DYNC1H1: variants seen among roughly 807,000 people sequenced by gnomAD.
DYNC1H1 encodes cytoplasmic dynein 1 heavy chain 1.
Under a neutral mutation model 527.1 loss-of-function variants are expected in DYNC1H1, and 51 were observed. That is an observed-to-expected ratio of 0.10 (90% confidence interval 0.08 to 0.12). The LOEUF is 0.12. Ranked by LOEUF, DYNC1H1 falls within the 10% of genes least tolerant of loss-of-function variation. DYNC1H1 has a pLI of 1.00. For synonymous variants in DYNC1H1, 2,189 were observed against 2,278.8 expected (o/e 0.96, Z 1.12); for missense variants, 2,771 against 5,971.8 (o/e 0.46, Z 17.66).
chr14:102,026,435 T>C, intron 43 of DYNC1H1, 139 bp from the exon 44 acceptor site: 1 of 934,030 alleles, frequency 1.1e-6, no homozygotes, highest in African/African-American at 1.7e-5. Context: ...GAATTTATAT[T>C]TTTTTGCTAT....
chr14:101,993,504 C>T (rs533142927), intron 11 of DYNC1H1, among the ~76,000 whole-genome samples: 32 of 152,320 alleles, frequency 2.1e-4, no homozygotes, highest in Non-Finnish European at 3.4e-4. Flanking sequence ...GCTCCTGCTG[C>T]TTCTCCCTTC....
At chr14:101,987,401 A>G in intron 8 of DYNC1H1, 52 bp from the exon 9 acceptor site, 1 of 1,549,078 alleles carries the variant, frequency 6.5e-7, no homozygotes. Flanking sequence ...TGTGAGAATA[A>G]AGGAACAGAG....
intron 2 of DYNC1H1, among the ~76,000 whole-genome samples, chr14:101,976,744 A>G (rs1017367064): frequency 6.6e-6 from 1 of 152,158 alleles, no homozygotes; most frequent in Non-Finnish European, 1.5e-5. Flanking sequence ...TGCTACTCTC[A>G]GGTTACAGTC....
At chr14:102,045,335 C>T (rs2048703614) in intron 72 of DYNC1H1, 1 of 154,544 alleles carries the variant, frequency 6.5e-6, no homozygotes, top group Non-Finnish European at 1.4e-5. Context: ...CGCAGTGGCT[C>T]ACGCCTATAA....
In DYNC1H1 at chr14:101,986,057, G is replaced by A. The variant is rs907022997; in HGVS notation, c.1832G>A (p.Arg611His). Reference protein sequence around the residue: ...IREYQTQLIQRVKDDIESLHD... With the variant: ...IREYQTQLIQHVKDDIESLHD... The stretch of plus-strand genomic sequence containing the variant: ...GAATACCAGACCCAGCTGATCCAGC[G>A]CGTGAAAGATGACATTGAGTCTCTT... Residue 611 changes from arginine (R) to histidine (H), a missense_variant, in exon 8 of 78, where the codon CGC (arginine) becomes CAC (histidine). By Grantham distance (29) the Arg-to-His change is conservative. This residue lies in a region of DYNC1H1 where 264 missense variants were observed against 619.4 expected (regional missense o/e 0.43). Coordinates refer to ENST00000360184, the MANE Select transcript of DYNC1H1 (RefSeq NM_001376.5). The surrounding 1 kb of genome is among the most constrained non-coding windows in gnomAD (Gnocchi z 8.7). 1 of 1,614,092 alleles carries A rather than the reference G, an allele frequency of 6.2e-7. No homozygotes were observed. The highest frequency in any genetic ancestry group is 8.5e-7 in the Non-Finnish European group (1 of 1,180,038).
Position 102,029,988 on chromosome 14 carries a change from C to A in DYNC1H1, c.9762+50C>A, listed in dbSNP as rs777561563. The stretch of plus-strand genomic sequence containing the variant: ...TGTAAGGACTGAGCATTTTCAGTCT[C>A]CAATGAGAGAGTAGGAAATGTAGTT... On this transcript the variant is annotated intron_variant, in intron 50 of 77. Coordinates refer to ENST00000360184, the MANE Select transcript of DYNC1H1 (RefSeq NM_001376.5). The surrounding 1 kb of genome is among the most constrained non-coding windows in gnomAD (Gnocchi z 5.3). The A allele has an allele frequency of 1.2e-5, 19 of 1,613,118 alleles. No homozygotes were observed. Among genetic ancestry groups the A allele is most frequent in the African/African-American group, 2.7e-5 (2 of 74,688 alleles).
At chr14:102,048,456 C>T in intron 73 of DYNC1H1, 60 bp from the exon 74 acceptor site, 1 of 1,610,886 alleles carries the variant, frequency 6.2e-7, no homozygotes, top group Non-Finnish European at 8.5e-7. Flanking sequence ...TTCTGTTTGA[C>T]CTTTACACTG....
Position 102,052,666 on chromosome 14 carries a change from C to T in DYNC1H1, c.*2103C>T, listed in dbSNP as rs1397794269. 6.6e-6 allele frequency: 1 copy of T among 152,224 alleles called. No individual in the cohort carries two copies. Among genetic ancestry groups the T allele is most frequent in the African/African-American group, 2.4e-5 (1 of 41,456 alleles). 9.4% of individuals were successfully genotyped at this position (152,224 alleles called of 1,614,324 possible). A position where few individuals can be genotyped will look rare whatever the true frequency, so the allele number is the denominator to read the frequency against. On this transcript the variant is annotated 3_prime_UTR_variant, in exon 78 of 78. Coordinates refer to ENST00000360184, the MANE Select transcript of DYNC1H1 (RefSeq NM_001376.5). ...CTAGGTGGTGGCCATGCCCCTCGAG[C>T]TCTGCTTGGCACGTGTCTGCCAGTC... is the stretch of plus-strand genomic sequence containing the variant.
rs1447647566 is a variant in DYNC1H1, at chr14:102,039,973, G to A, written c.11690+241G>A. ...CTGCTTCAGTCTCCGAAGTAGCTAGGACTATAGGCGCAGGCCACCACATCT... is the reference window on the plus strand; with the variant it reads ...CTGCTTCAGTCTCCGAAGTAGCTAGAACTATAGGCGCAGGCCACCACATCT... On this transcript the variant is annotated intron_variant, in intron 62 of 77. Coordinates refer to ENST00000360184, the MANE Select transcript of DYNC1H1 (RefSeq NM_001376.5). The surrounding 1 kb of genome is among the most constrained non-coding windows in gnomAD (Gnocchi z 7.0). Among the ~76,000 whole-genome samples, 1 of 152,122 alleles carries A rather than the reference G, an allele frequency of 6.6e-6. No homozygotes were observed. The highest frequency in any genetic ancestry group is 2.4e-5 in the African/African-American group (1 of 41,408).
intron 74 of DYNC1H1, 126 bp downstream of exon 74, chr14:102,048,795 CTGTGCTCTTA>C: frequency 1.3e-6 from 1 of 749,654 alleles, no homozygotes. Flanking sequence ...GAGAGCAGCT[CTGTGCTCTTA>C]CCCTCAAGGT....
At position 101,997,376 on chromosome 14, in the gene DYNC1H1, A is replaced by C. The variant is rs529040207; in HGVS notation, c.3804+102A>C. 2.3e-5 allele frequency: 36 copies of C among 1,572,360 alleles called. No individual in the cohort carries two copies. In the African/African-American group the frequency reaches 4.6e-4, roughly 20 times the overall value. ...AGGCCTTGCTGTGACTGAGCTTTCT[A>C]GTATTGAAGACTCTTTTCCTTTTTG... On this transcript the variant is annotated intron_variant, in intron 16 of 77. Transcript: ENST00000360184. The surrounding 1 kb of genome is among the most constrained non-coding windows in gnomAD (Gnocchi z 4.8).
rs2749891 is a variant in DYNC1H1 at position 101,991,279 on chromosome 14, A to G, written c.2869-248A>G. Reference sequence around the variant, plus strand: ...ACCTGAGGTCAGGAGTTTGAGACCAACCTGACCAACATGCTGAAACCCGTC... The same window carrying G: ...ACCTGAGGTCAGGAGTTTGAGACCAGCCTGACCAACATGCTGAAACCCGTC... On this transcript the variant is annotated intron_variant, in intron 10 of 77. Coordinates refer to ENST00000360184, the MANE Select transcript of DYNC1H1 (RefSeq NM_001376.5). Among the ~76,000 whole-genome samples the G allele has an allele frequency of 0.35, 53,362 of 151,922 alleles. 13,158 individuals are homozygous for G. Among genetic ancestry groups the G allele is most frequent in the African/African-American group, 0.71 (29,388 of 41,442 alleles).
At position 102,036,808 on chromosome 14, in the gene DYNC1H1, T is replaced by TA; in HGVS notation, c.10908+170dup. Reference sequence around the variant, plus strand: ...ATTCAACAGAATCATTATTTGCATTTAAAATTCTATTCAGTGGTCGGGCGA... The same window carrying TA: ...ATTCAACAGAATCATTATTTGCATTTAAAAATTCTATTCAGTGGTCGGGCGA... On this transcript the variant is annotated intron_variant, in intron 57 of 77. Coordinates refer to ENST00000360184, the MANE Select transcript of DYNC1H1 (RefSeq NM_001376.5). The surrounding 1 kb of genome is among the most constrained non-coding windows in gnomAD (Gnocchi z 5.6). 1 of 1,013,018 alleles carries TA rather than the reference T, an allele frequency of 9.9e-7. No individual in the cohort carries two copies. Among genetic ancestry groups the TA allele is most frequent in the East Asian group, 2.7e-5 (1 of 36,752 alleles). The allele number at this position is 1,013,018 out of a possible 1,614,324, so 62.8% of individuals were successfully genotyped here.
Position 102,010,823 on chromosome 14 carries a change from C to T in DYNC1H1, c.6489C>T (p.Asp2163=), listed in dbSNP as rs1296916471. The change falls in exon 32 of 78, where the codon GAC becomes GAT. Residue 2163 remains aspartate (D), a synonymous_variant. Transcript: ENST00000360184. The surrounding 1 kb of genome is among the most constrained non-coding windows in gnomAD (Gnocchi z 6.0). ...CGCTGCTCTTCAGCCTCCTGTCGGACGTGTTCCCTGGAGTCCAGTATCACA... is the reference window on the plus strand; with the variant it reads ...CGCTGCTCTTCAGCCTCCTGTCGGATGTGTTCCCTGGAGTCCAGTATCACA... ...DIPLLFSLLS[D]VFPGVQYHRG... The T allele has an allele frequency of 1.2e-6, 2 of 1,614,232 alleles. No individual in the cohort carries two copies. The highest frequency in any genetic ancestry group is 1.3e-5 in the African/African-American group (1 of 75,068).
At position 102,027,111 on chromosome 14, in the gene DYNC1H1, T is replaced by C. The variant is rs551733169; in HGVS notation, c.8772-63T>C. 65 of 1,520,328 alleles carry C rather than the reference T, an allele frequency of 4.3e-5. No individual in the cohort carries two copies. The South Asian group carries it at 5.2e-4, about 12-fold the overall frequency. The allele number at this position is 1,520,328 out of a possible 1,614,324, so 94.2% of individuals were successfully genotyped here. On this transcript the variant is annotated intron_variant, in intron 44 of 77. Transcript: ENST00000360184. This position sits in a 1 kb window ranked among gnomAD's most constrained non-coding sequence, Gnocchi z 7.7. ...TCCAAAATACTGTAGACACTAGATA[T>C]GAGTCAAAAGGGGAATGAGGCATTA... is the stretch of plus-strand genomic sequence containing the variant.
Position 102,039,829 on chromosome 14 carries a change from T to C in DYNC1H1, c.11690+97T>C. 7.4e-7 allele frequency: 1 copy of C among 1,352,104 alleles called. No homozygotes were observed. 83.8% of individuals were successfully genotyped at this position (1,352,104 alleles called of 1,614,324 possible). On this transcript the variant is annotated intron_variant, in intron 62 of 77. Transcript: ENST00000360184. This position sits in a 1 kb window ranked among gnomAD's most constrained non-coding sequence, Gnocchi z 7.0. Reference sequence around the variant, plus strand: ...TGCTTTTATTATTTCTTTTATTTTCTCTTTTATTTTCTTTATTTTATTTTT... The same window carrying C: ...TGCTTTTATTATTTCTTTTATTTTCCCTTTTATTTTCTTTATTTTATTTTT...
At position 101,985,351 on chromosome 14, in the gene DYNC1H1, G is replaced by A. The variant is rs1042396987; in HGVS notation, c.1462-336G>A. ...CTTCTTTTTTGTTTTTTGAGATGGA[G>A]TCTTGCTGTGTCGCCCAGGCTGGAG... On this transcript the variant is annotated intron_variant, in intron 7 of 77. Transcript: ENST00000360184. This position sits in a 1 kb window ranked among gnomAD's most constrained non-coding sequence, Gnocchi z 5.9. Among the ~76,000 whole-genome samples the A allele has an allele frequency of 2.0e-5, 3 of 151,832 alleles. No homozygotes were observed. Among genetic ancestry groups the A allele is most frequent in the Non-Finnish European group, 2.9e-5 (2 of 67,962 alleles).
rs952515872 is a variant in DYNC1H1, at chr14:101,997,767, C to T, written c.3804+493C>T. On this transcript the variant is annotated intron_variant, in intron 16 of 77. Coordinates refer to ENST00000360184, the MANE Select transcript of DYNC1H1 (RefSeq NM_001376.5). The surrounding 1 kb of genome is among the most constrained non-coding windows in gnomAD (Gnocchi z 4.8). ...ATGCATTGAAGTATTTATTGAGCAC[C>T]GACTGTGTTCCAGGCCTTGTTCTAG... Among the ~76,000 whole-genome samples the T allele has an allele frequency of 3.9e-5, 6 of 152,124 alleles. No homozygotes were observed. Among genetic ancestry groups the T allele is most frequent in the African/African-American group, 7.2e-5 (3 of 41,418 alleles).
rs916506458 is a variant in DYNC1H1 at position 102,011,861 on chromosome 14, G to T, written c.6619-14G>T. Reference sequence around the variant, plus strand: ...TCTGGGATGGTCACTGTGCTGGTCTGTTGGGCCCTGCAGGTTCTCCAGCTC... The same window carrying T: ...TCTGGGATGGTCACTGTGCTGGTCTTTTGGGCCCTGCAGGTTCTCCAGCTC... On this transcript the variant is annotated splice_polypyrimidine_tract_variant and intron_variant, in intron 32 of 77. Transcript: ENST00000360184. The surrounding 1 kb of genome is among the most constrained non-coding windows in gnomAD (Gnocchi z 5.3). 2 of 1,613,832 alleles carry T rather than the reference G, an allele frequency of 1.2e-6. No individual in the cohort carries two copies. The highest frequency in any genetic ancestry group is 1.7e-6 in the Non-Finnish European group (2 of 1,179,862).
Sources: gnomAD v4.1 joint callset for allele counts (sites outside exome capture counted in the v4.1 genomes callset) on GRCh38, gnomAD v4.1.1 for gene constraint, gnomAD v4.1.1 regional missense constraint, Gnocchi (gnomAD v3.1) non-coding constraint, MANE v1.5 for transcripts, NCBI Gene and HGNC (gene_info 2026-07-23, HGNC 2026-07-21) for gene names.